Variants in PCDHA10 observed in about 807,000 individuals in gnomAD.
The protein encoded by PCDHA10 is protocadherin alpha-10.
PCDHA10 carries 45 observed loss-of-function variants against 61.2 expected under a neutral mutation model. The observed-to-expected ratio is 0.74, with a 90% CI of 0.58 to 0.94. The LOEUF is 0.94. PCDHA10 is among the 40% of genes least tolerant of loss of function. PCDHA10 has a pLI of 0.00. For missense variants in PCDHA10, 1,278 were observed against 1,236.2 expected, an observed-to-expected ratio of 1.03 and a Z score of -0.51; for synonymous variants, 602 against 548.8, an observed-to-expected ratio of 1.10 and a Z score of -1.35.
chr5:140,966,166 C>T (rs1159533172), intron 1 of PCDHA10: 1 of 179,138 alleles, frequency 5.6e-6, no homozygotes, highest in Non-Finnish European at 1.2e-5. Flanking sequence ...GAGATCTTTT[C>T]CTGGGGAGCT....
In PCDHA10 at chr5:140,871,238, T is replaced by C. The variant is rs200192228; in HGVS notation, c.2388+12802T>C. 68 of 1,613,968 alleles carry C rather than the reference T, an allele frequency of 4.2e-5. No homozygotes were observed. The Admixed American group carries it at 6.2e-4, about 15-fold the overall frequency. ...TGCGTGGTGTCCAGCCTCCTGGTACTCACGCTGCTGCTGTATACGGCGCTG... is the reference window on the plus strand; with the variant it reads ...TGCGTGGTGTCCAGCCTCCTGGTACCCACGCTGCTGCTGTATACGGCGCTG... On this transcript the variant is annotated intron_variant, in intron 1 of 3. Transcript: ENST00000307360.
chr5:140,898,067 T>C (rs2066506598), intron 1 of PCDHA10, among the ~76,000 whole-genome samples: 1 of 152,122 alleles, frequency 6.6e-6, no homozygotes, highest in Admixed American at 6.5e-5. Context: ...TTGTTTGAGT[T>C]CATTGTAGAT....
chr5:141,010,136 CTCTT>C lies in PCDHA10; in HGVS notation c.*203_*206del, dbSNP rs782073868. The C allele has an allele frequency of 1.9e-6, 3 of 1,594,824 alleles. No homozygotes were observed. Among genetic ancestry groups the C allele is most frequent in the Non-Finnish European group, 2.6e-6 (3 of 1,169,724 alleles). On this transcript the variant is annotated 3_prime_UTR_variant, in exon 4 of 4. Transcript: ENST00000307360. ...AAAGCTTTACTAAGTCTGGTGTTAACTCTTTCTCTCCACTCTGGCTTGTTTTCAG... is the reference window on the plus strand; with the variant it reads ...AAAGCTTTACTAAGTCTGGTGTTAACTCTCTCCACTCTGGCTTGTTTTCAG...
intron 1 of PCDHA10, among the ~76,000 whole-genome samples, chr5:140,912,408 T>A (rs1376927432): frequency 6.6e-6 from 1 of 152,054 alleles, no homozygotes; most frequent in Non-Finnish European, 1.5e-5. Flanking sequence ...TCAGCTTGGT[T>A]ATTATTGGTG....
intron 3 of PCDHA10, among the ~76,000 whole-genome samples, chr5:140,986,030 C>T (rs1190318789): frequency 2.6e-5 from 4 of 152,174 alleles, no homozygotes; most frequent in Non-Finnish European, 2.9e-5. Flanking sequence ...TGAGCCACTG[C>T]GCCTGGCCTC....
chr5:140,870,500 A>G, intron 1 of PCDHA10: 2 of 1,614,228 alleles, frequency 1.2e-6, no homozygotes, highest in East Asian at 2.2e-5. Flanking sequence ...GTGAAGGAGA[A>G]CAACCCACCA....
chr5:140,929,398 AG>A, intron 1 of PCDHA10: 1 of 1,510,096 alleles, frequency 6.6e-7, no homozygotes, highest in Non-Finnish European at 8.9e-7. Flanking sequence ...AATATTTCTT[AG>A]ACAAGCCTTT....
intron 2 of PCDHA10, among the ~76,000 whole-genome samples, chr5:140,980,561 C>T (rs1430874214): frequency 6.6e-6 from 1 of 151,974 alleles, no homozygotes; most frequent in Admixed American, 6.6e-5. Context: ...ACCCGGGAGG[C>T]GGAAGTTGCA....
At chr5:140,926,957 T>G in intron 1 of PCDHA10, 1 of 1,602,892 alleles carries the variant, frequency 6.2e-7, no homozygotes, top group Non-Finnish European at 8.5e-7. Context: ...GCGGGACAGC[T>G]CGAGTACTCA....
intron 1 of PCDHA10, chr5:140,884,364 A>G: frequency 1.2e-6 from 2 of 1,613,884 alleles, no homozygotes; most frequent in Non-Finnish European, 1.7e-6. Flanking sequence ...GTCAATGTTT[A>G]CTTGATCATT....
At chr5:140,996,752 GT>G (rs1406262736) in intron 3 of PCDHA10, among the ~76,000 whole-genome samples, 2 of 152,208 alleles carry the variant, frequency 1.3e-5, no homozygotes, top group East Asian at 3.9e-4. Flanking sequence ...AATTATATCT[GT>G]GCAGGACTAA....
chr5:140,894,197 A>C (rs1378272032), intron 1 of PCDHA10, among the ~76,000 whole-genome samples: 1 of 152,008 alleles, frequency 6.6e-6, no homozygotes, highest in Non-Finnish European at 1.5e-5. Context: ...TATTTTTTCT[A>C]TGCTATTATA....
chr5:141,001,936 C>A (rs1440677153), intron 3 of PCDHA10, among the ~76,000 whole-genome samples: 3 of 151,788 alleles, frequency 2.0e-5, no homozygotes, highest in Non-Finnish European at 2.9e-5. Context: ...GGGTGGTGAG[C>A]GGAAATAAGG....
intron 3 of PCDHA10, 128 bp downstream of exon 3, chr5:140,982,691 C>T: frequency 7.1e-7 from 1 of 1,408,152 alleles, no homozygotes; most frequent in Non-Finnish European, 9.3e-7. Context: ...TTTTTCCATA[C>T]ATACATGATT....
At chr5:140,955,130 T>A (rs1173088504) in intron 1 of PCDHA10, among the ~76,000 whole-genome samples, 1 of 152,228 alleles carries the variant, frequency 6.6e-6, no homozygotes, top group African/African-American at 2.4e-5. Context: ...TCCACTGGTC[T>A]ACACGTCTGT....
At chr5:140,978,791 A>G (rs1443899144) in intron 1 of PCDHA10, 158 bp from the exon 2 acceptor site, 1 of 976,042 alleles carries the variant, frequency 1.0e-6, no homozygotes, top group Non-Finnish European at 1.2e-6. Context: ...AAAGTGCTAT[A>G]TATGTAGATA....
intron 1 of PCDHA10, among the ~76,000 whole-genome samples, chr5:140,881,897 C>T (rs2058860141): frequency 6.6e-6 from 1 of 152,146 alleles, no homozygotes; most frequent in African/African-American, 2.4e-5. Context: ...CAATTGTCAG[C>T]TAATATAAAA....
chr5:140,930,072 C>G (rs2086579078), intron 1 of PCDHA10: 1 of 152,132 alleles, frequency 6.6e-6, no homozygotes, highest in Admixed American at 6.5e-5. Flanking sequence ...AACTGTAAGC[C>G]TCTCTCATAA....
At chr5:140,980,196 A>T (rs1404667828) in intron 2 of PCDHA10, among the ~76,000 whole-genome samples, 1 of 152,214 alleles carries the variant, frequency 6.6e-6, no homozygotes, top group Non-Finnish European at 1.5e-5. Flanking sequence ...TTTATTAGAG[A>T]CCAACTTGTG....
Sources: gnomAD v4.1 joint callset for allele counts (sites outside exome capture counted in the v4.1 genomes callset) on GRCh38, gnomAD v4.1.1 for gene constraint, MANE v1.5 for transcripts, NCBI Gene and HGNC (gene_info 2026-07-23, HGNC 2026-07-21) for gene names.